DGKK: variants seen among roughly 807,000 people sequenced by gnomAD.
DGKK encodes the protein diacylglycerol kinase kappa.
Under a neutral mutation model 92.2 loss-of-function variants are expected in DGKK, and 35 were observed. The observed-to-expected ratio is 0.38, with a 90% CI of 0.29 to 0.50. The LOEUF (loss-of-function observed/expected upper bound fraction) is 0.50, where lower values mean the gene tolerates loss of function less well. Ranked by LOEUF, DGKK falls within the 20% of genes least tolerant of loss-of-function variation. The probability of loss-of-function intolerance (pLI) is 0.92; values close to 1 mark genes in which losing one functional copy is unlikely to be tolerated. For synonymous variants in DGKK, 368 were observed against 360.6 expected (o/e 1.02, Z -0.23); for missense variants, 910 against 992.2 (o/e 0.92, Z 1.11).
rs1220772209 is a variant in DGKK, at chrX:50,400,951, A to C, written c.1411+86T>G. ...CAAAATGTTTGACTGGTTGAGGAGAATAATTTAATTGCAGTGCTTCTTCCC... is the reference window on the plus strand; with the variant it reads ...CAAAATGTTTGACTGGTTGAGGAGACTAATTTAATTGCAGTGCTTCTTCCC... On this transcript the variant is annotated intron_variant, in intron 8 of 27. Coordinates refer to ENST00000611977, the MANE Select transcript of DGKK (RefSeq NM_001013742.4). The C allele has an allele frequency of 4.5e-6, 4 of 882,672 alleles. No individual in the cohort carries two copies. In the African/African-American group the frequency reaches 8.0e-5, roughly 18 times the overall value. The allele number at this position is 882,672 out of a possible 1,213,427, so 72.7% of individuals were successfully genotyped here.
chrX:50,438,724 T>C (rs1926095543), intron 1 of DGKK, among the ~76,000 whole-genome samples: 1 of 112,006 alleles, frequency 8.9e-6, no homozygotes, highest in African/African-American at 3.2e-5. Flanking sequence ...AGTAACCTGC[T>C]GTGTGAGCAA....
chrX:50,391,484 C>T lies in DGKK; in HGVS notation c.1797G>A (p.Leu599=), dbSNP rs1557225534. The T allele has an allele frequency of 1.7e-6, 2 of 1,211,462 alleles. No individual in the cohort carries two copies. The highest frequency in any genetic ancestry group is 2.2e-6 in the Non-Finnish European group (2 of 895,217). ...GAFWNKSKSP[L]DILNRVEQAS... Reference sequence around the variant, plus strand: ...CCTGCTCCACTCTGTTGAGGATGTCCAGAGGTGACTTGCTTTTGTTCCAGA... The same window carrying T: ...CCTGCTCCACTCTGTTGAGGATGTCTAGAGGTGACTTGCTTTTGTTCCAGA... The change falls in exon 11 of 28, where the codon CTG becomes CTA. Residue 599 remains leucine (L), a synonymous_variant. Transcript: ENST00000611977.
intron 15 of DGKK, among the ~76,000 whole-genome samples, chrX:50,385,421 G>T (rs1557224869): frequency 8.9e-6 from 1 of 112,056 alleles, no homozygotes; most frequent in South Asian, 3.7e-4. Flanking sequence ...ATAGCCACAA[G>T]CTACACCTCT....
In DGKK at chrX:50,408,464, C is replaced by T. The variant is rs887624906; in HGVS notation, c.943-4280G>A. On this transcript the variant is annotated intron_variant, in intron 4 of 27. Coordinates refer to ENST00000611977, the MANE Select transcript of DGKK (RefSeq NM_001013742.4). ...CGCGATCTCGGCTCACTGCAAGCTCCGCCTCCCGGGTTCACGCCATTCTCC... is the reference window on the plus strand; with the variant it reads ...CGCGATCTCGGCTCACTGCAAGCTCTGCCTCCCGGGTTCACGCCATTCTCC... Among the ~76,000 whole-genome samples, 9 of 111,715 alleles carry T rather than the reference C, an allele frequency of 8.1e-5. No individual in the cohort carries two copies. The East Asian group carries it at 1.1e-3, about 14-fold the overall frequency.
chrX:50,397,981 C>T (rs1320573), intron 8 of DGKK, among the ~76,000 whole-genome samples: 5,311 of 110,733 alleles, frequency 0.048, 322 homozygotes, highest in African/African-American at 0.16. Context: ...ACAGAGAAGA[C>T]AATGTTTAAT....
chrX:50,415,379 A>G (rs1415640849), intron 4 of DGKK, among the ~76,000 whole-genome samples: 1 of 112,009 alleles, frequency 8.9e-6, no homozygotes, highest in Non-Finnish European at 1.9e-5. Context: ...AAAGTACAAT[A>G]TCTCCCAAAA....
intron 11 of DGKK, 104 bp from the exon 12 acceptor site, chrX:50,390,513 G>T: frequency 1.3e-6 from 1 of 750,702 alleles, no homozygotes; most frequent in East Asian, 3.3e-5. Flanking sequence ...ATGTGGTGGG[G>T]GGAGGTGGGT....
chrX:50,380,017 G>C lies in DGKK; in HGVS notation c.2718C>G (p.Arg906=). 8.3e-7 allele frequency: 1 copy of C among 1,211,647 alleles called. No homozygotes were observed. The highest frequency in any genetic ancestry group is 1.1e-6 in the Non-Finnish European group (1 of 895,321). Reference sequence around the variant, plus strand: ...CTCGTTCTTCCAGTTTCCTGTAAGAGCGCTGCAAAAGTTCTTTGGTTCCCA... The same window carrying C: ...CTCGTTCTTCCAGTTTCCTGTAAGACCGCTGCAAAAGTTCTTTGGTTCCCA... ...GLLGTKELLQ[R]SYRKLEERVH... The change falls in exon 19 of 28, where the codon CGC becomes CGG. Residue 906 remains arginine, a synonymous_variant. Transcript: ENST00000611977.
rs998983285 is a variant in DGKK, at chrX:50,368,552, T to C, written c.*388A>G. ...TCCCTGGGAGTCTGTGTGTCTTTCA[T>C]TCATTCCTTAGCATTGATAGTTTCT... On this transcript the variant is annotated 3_prime_UTR_variant, in exon 28 of 28. Transcript: ENST00000611977. 10 of 119,352 alleles carry C rather than the reference T, an allele frequency of 8.4e-5. No individual in the cohort carries two copies. The highest frequency in any genetic ancestry group is 1.7e-4 in the Non-Finnish European group (10 of 58,211). 9.8% of individuals were successfully genotyped at this position (119,352 alleles called of 1,213,427 possible). A position where few individuals can be genotyped will look rare whatever the true frequency, so the allele number is the denominator to read the frequency against.
At position 50,374,970 on chromosome X, in the gene DGKK, C is replaced by A; in HGVS notation, c.3501+1G>T. 8.3e-7 allele frequency: 1 copy of A among 1,203,531 alleles called. No individual in the cohort carries two copies. On this transcript the variant is annotated splice_donor_variant, in intron 25 of 27. Coordinates refer to ENST00000611977, the MANE Select transcript of DGKK (RefSeq NM_001013742.4). LOFTEE classifies it high-confidence loss of function. ...CCCAGACTCCAACCCCCTGCACTCA[C>A]CAGCTTTTCATCCAGGAAAGCTGTG...
chrX:50,470,791 T>G lies in DGKK; in HGVS notation c.-113A>C, dbSNP rs1927060465. The G allele has an allele frequency of 1.1e-6, 1 of 896,983 alleles. No individual in the cohort carries two copies. Among genetic ancestry groups the G allele is most frequent in the Non-Finnish European group, 1.5e-6 (1 of 672,193 alleles). 73.9% of individuals were successfully genotyped at this position (896,983 alleles called of 1,213,427 possible). The stretch of plus-strand genomic sequence containing the variant: ...GGCAGCCCCTCGCAGGGTGCCAAAC[T>G]TTCCCCCATCCCACTCCATGGCTGG... On this transcript the variant is annotated 5_prime_UTR_variant, in exon 1 of 28. Coordinates refer to ENST00000611977, the MANE Select transcript of DGKK (RefSeq NM_001013742.4).
chrX:50,377,038 G>A (rs1030403416), intron 22 of DGKK, 120 bp from the exon 23 acceptor site: 3 of 644,377 alleles, frequency 4.7e-6, no homozygotes, highest in Non-Finnish European at 6.7e-6. Context: ...GGGTAGAGGG[G>A]AAGGAGGGCC....
intron 11 of DGKK, 117 bp from the exon 12 acceptor site, chrX:50,390,526 T>G: frequency 2.5e-5 from 13 of 511,003 alleles, no homozygotes; most frequent in East Asian, 4.7e-5. Flanking sequence ...AGGTGGGTTG[T>G]AGGGGGTGTC....
intron 1 of DGKK, among the ~76,000 whole-genome samples, chrX:50,461,248 T>G (rs1335700761): frequency 8.9e-6 from 1 of 112,080 alleles, no homozygotes; most frequent in African/African-American, 3.2e-5. Context: ...TAAGCTAAAA[T>G]GAACAAGTGT....
At position 50,379,698 on chromosome X, in the gene DGKK, C is replaced by T. The variant is rs782445225; in HGVS notation, c.2791G>A (p.Gly931Ser). ...GETISLPNLQ[G>S]IVVLNITSYA... The stretch of plus-strand genomic sequence containing the variant: ...CTGGTAATGTTGAGCACTACAATGC[C>T]TTGCAGGTTTGGCAAGGAGATGGTT... Residue 931 changes from glycine (G) to serine (S), a missense_variant, in exon 20 of 28, where the codon GGC (glycine) becomes AGC (serine). Physicochemically the swap from Gly to Ser is moderately conservative, Grantham distance 56. Coordinates refer to ENST00000611977, the MANE Select transcript of DGKK (RefSeq NM_001013742.4). The T allele has an allele frequency of 8.3e-7, 1 of 1,209,950 alleles. No homozygotes were observed. The highest frequency in any genetic ancestry group is 1.7e-5 in the African/African-American group (1 of 57,273).
At chrX:50,369,365 CT>C (rs1183804907) in intron 27 of DGKK, among the ~76,000 whole-genome samples, 1 of 111,629 alleles carries the variant, frequency 9.0e-6, no homozygotes, top group Non-Finnish European at 1.9e-5. Context: ...GAGATTCTCT[CT>C]TGGCATTCGT....
chrX:50,462,882 C>CTTTTTT (rs548003185), intron 1 of DGKK, among the ~76,000 whole-genome samples: 8 of 15,788 alleles, frequency 5.1e-4, no homozygotes, highest in African/African-American at 9.3e-4. Flanking sequence ...CCTTTCCTTG[C>CTTTTTT]TTTTTTTTTT....
chrX:50,381,105 A>T (rs1249768462), intron 18 of DGKK, among the ~76,000 whole-genome samples: 1 of 111,836 alleles, frequency 8.9e-6, no homozygotes, highest in East Asian at 2.8e-4. Context: ...AAACCCTTGC[A>T]TTTGTGGTCA....
Position 50,375,018 on chromosome X carries a change from G to A in DGKK, c.3454C>T (p.Leu1152Phe). 1.7e-6 allele frequency: 2 copies of A among 1,209,197 alleles called. No homozygotes were observed. Among genetic ancestry groups the A allele is most frequent in the Non-Finnish European group, 2.2e-6 (2 of 893,800 alleles). ...GTGGTGTCATCGTAGAGACCTTTAA[G>A]ACTAAATGTAACATCTACGGCATCA... ...RNDAVDVTFS[L>F]KGLYDDTTAF... is the part of the protein sequence containing the mutation. Residue 1152 changes from leucine to phenylalanine, a missense_variant, in exon 25 of 28, where the codon CTT becomes TTT. Leu to Phe is a conservative substitution (Grantham distance 22, BLOSUM62 0). Coordinates refer to ENST00000611977, the MANE Select transcript of DGKK (RefSeq NM_001013742.4).
Sources: gnomAD v4.1 joint callset for allele counts (sites outside exome capture counted in the v4.1 genomes callset) on GRCh38, gnomAD v4.1.1 for gene constraint, MANE v1.5 for transcripts, NCBI Gene and HGNC (gene_info 2026-07-23, HGNC 2026-07-21) for gene names.